Variants in MEI4 observed in about 807,000 individuals in gnomAD.
MEI4 encodes the protein meiotic double-stranded break formation protein 4.
MEI4 carries 27 observed loss-of-function variants against 31.4 expected under a neutral mutation model. That is an observed-to-expected ratio of 0.86 (90% confidence interval 0.63 to 1.19). MEI4 has a LOEUF of 1.19. MEI4 is among the 50% of genes most tolerant of loss of function. MEI4 has a pLI of 0.00. For missense variants in MEI4, 329 were observed against 398.9 expected, an observed-to-expected ratio of 0.82 and a Z score of 1.49; for synonymous variants, 122 against 145.4, an observed-to-expected ratio of 0.84 and a Z score of 1.16.
intron 4 of MEI4, among the ~76,000 whole-genome samples, chr6:77,851,487 C>A (rs1355416550): frequency 6.6e-6 from 1 of 151,898 alleles, no homozygotes; most frequent in South Asian, 2.1e-4. Context: ...TTTGTAGGGA[C>A]ATGGATGAAG....
chr6:77,740,974 A>T (rs1236844425), intron 2 of MEI4, among the ~76,000 whole-genome samples: 2 of 152,174 alleles, frequency 1.3e-5, no homozygotes, highest in Non-Finnish European at 2.9e-5. Flanking sequence ...TAATGAGTAC[A>T]GTAATATAAT....
chr6:77,897,080 A>C (rs1223498083), intron 4 of MEI4, among the ~76,000 whole-genome samples: 7 of 152,044 alleles, frequency 4.6e-5, no homozygotes, highest in Non-Finnish European at 8.8e-5. Context: ...TTAGATGAGG[A>C]AAATGAAGTT....
intron 2 of MEI4, among the ~76,000 whole-genome samples, chr6:77,747,802 G>C (rs1767655199): frequency 6.6e-6 from 1 of 152,292 alleles, no homozygotes; most frequent in East Asian, 1.9e-4. Context: ...TCTCATCTGA[G>C]ACAAGGCAAG....
intron 4 of MEI4, among the ~76,000 whole-genome samples, chr6:77,862,481 CA>C (rs1472454807): frequency 6.6e-6 from 1 of 152,296 alleles, no homozygotes; most frequent in Admixed American, 6.5e-5. Context: ...TCTTTGCTAG[CA>C]CAGCAGTCTG....
At chr6:77,768,259 T>G (rs1768223892) in intron 3 of MEI4, among the ~76,000 whole-genome samples, 1 of 152,166 alleles carries the variant, frequency 6.6e-6, no homozygotes, top group Non-Finnish European at 1.5e-5. Flanking sequence ...TTTTCCTAAG[T>G]GCAAAGGAAA....
intron 2 of MEI4, among the ~76,000 whole-genome samples, chr6:77,740,541 C>T (rs1767372734): frequency 6.6e-6 from 1 of 152,088 alleles, no homozygotes; most frequent in Non-Finnish European, 1.5e-5. Flanking sequence ...ACACTCATAT[C>T]ACAATATGAA....
At chr6:77,803,152 T>C (rs1769318153) in intron 3 of MEI4, among the ~76,000 whole-genome samples, 1 of 152,242 alleles carries the variant, frequency 6.6e-6, no homozygotes, top group African/African-American at 2.4e-5. Flanking sequence ...CCCATATTTA[T>C]TGGAGGCTTT....
At position 77,690,860 on chromosome 6, in the gene MEI4, A is replaced by G; in HGVS notation, c.189A>G (p.Gln63=). 4.9e-6 allele frequency: 6 copies of G among 1,231,402 alleles called. No homozygotes were observed. The highest frequency in any genetic ancestry group is 5.1e-6 in the Non-Finnish European group (5 of 987,336). The allele number at this position is 1,231,402 out of a possible 1,614,324, so 76.3% of individuals were successfully genotyped here. A position where few individuals can be genotyped will look rare whatever the true frequency, so the allele number is the denominator to read the frequency against. ...ILEAEVMQLR[Q]KLLVSRLCSG... is the part of the protein sequence containing the mutation. ...AAGCTGAAGTTATGCAATTACGTCAAAAACTTCTTGTGAGCAGGCTTTGTT... is the reference window on the plus strand; with the variant it reads ...AAGCTGAAGTTATGCAATTACGTCAGAAACTTCTTGTGAGCAGGCTTTGTT... The change falls in exon 2 of 5, where the codon CAA becomes CAG. Residue 63 remains glutamine, a synonymous_variant. Coordinates refer to ENST00000684080, the MANE Select transcript of MEI4 (RefSeq NM_001322247.2).
At chr6:77,699,768 C>A (rs879376345) in intron 2 of MEI4, among the ~76,000 whole-genome samples, 4 of 152,078 alleles carry the variant, frequency 2.6e-5, no homozygotes, top group African/African-American at 9.7e-5. Context: ...GTGTGGATGT[C>A]GTTTCTGTCT....
chr6:77,733,158 G>T (rs1462727392), intron 2 of MEI4, among the ~76,000 whole-genome samples: 1 of 151,878 alleles, frequency 6.6e-6, no homozygotes, highest in Admixed American at 6.6e-5. Context: ...AGTTAGGGAG[G>T]ATTCCCTCTT....
intron 4 of MEI4, among the ~76,000 whole-genome samples, chr6:77,907,180 A>G (rs1766315911): frequency 6.6e-6 from 1 of 152,122 alleles, no homozygotes; most frequent in South Asian, 2.1e-4. Context: ...GTACATGTGC[A>G]TAACATGCAG....
intron 4 of MEI4, among the ~76,000 whole-genome samples, chr6:77,906,457 G>A (rs1050864404): frequency 2.0e-5 from 3 of 152,160 alleles, no homozygotes; most frequent in Non-Finnish European, 2.9e-5. Flanking sequence ...GGTTGATGAA[G>A]ATTGCATGTA....
chr6:77,888,852 T>A (rs1771687840), intron 4 of MEI4, among the ~76,000 whole-genome samples: 1 of 152,140 alleles, frequency 6.6e-6, no homozygotes, highest in Non-Finnish European at 1.5e-5. Flanking sequence ...TGGGGGCAGT[T>A]ACCCTTATGC....
chr6:77,871,260 T>C (rs969276243), intron 4 of MEI4, among the ~76,000 whole-genome samples: 2 of 152,192 alleles, frequency 1.3e-5, no homozygotes, highest in African/African-American at 4.8e-5. Flanking sequence ...AGGCTTGGAA[T>C]CTTGACCCCT....
intron 4 of MEI4, among the ~76,000 whole-genome samples, chr6:77,857,933 A>C (rs554938585): frequency 1.3e-5 from 2 of 152,348 alleles, no homozygotes; most frequent in Non-Finnish European, 2.9e-5. Flanking sequence ...ATCACAGTTC[A>C]TTCTAAGTAC....
chr6:77,769,214 A>AT (rs936774974), intron 3 of MEI4, among the ~76,000 whole-genome samples: 13 of 152,156 alleles, frequency 8.5e-5, no homozygotes, highest in African/African-American at 2.9e-4. Context: ...GAACATACTG[A>AT]TTATGGGACT....
At chr6:77,880,221 G>A (rs545754133) in intron 4 of MEI4, among the ~76,000 whole-genome samples, 1 of 143,300 alleles carries the variant, frequency 7.0e-6, no homozygotes, top group Admixed American at 7.1e-5. Context: ...TTATTGTGGG[G>A]TTTTTTTTGT....
chr6:77,687,015 T>G (rs573587402), intron 1 of MEI4, among the ~76,000 whole-genome samples: 11 of 152,056 alleles, frequency 7.2e-5, no homozygotes, highest in African/African-American at 2.6e-4. Context: ...AAGGAAAAAT[T>G]AGGGCAGGAG....
chr6:77,680,128 A>AAAAAAAAAAAAAAAAT (rs1247876878), intron 1 of MEI4, among the ~76,000 whole-genome samples: 62 of 115,426 alleles, frequency 5.4e-4, no homozygotes, highest in Middle Eastern at 4.6e-3. Flanking sequence ...AAAAAAAAAA[A>AAAAAAAAAAAAAAAAT]ATTAGCTGGG....
Sources: allele counts gnomAD v4.1 joint callset (sites outside exome capture counted in the v4.1 genomes callset), GRCh38; gene constraint gnomAD v4.1.1; transcripts MANE v1.5; gene names NCBI Gene and HGNC (gene_info 2026-07-23, HGNC 2026-07-21).